The following DOCK1 variants were observed in gnomAD, a reference collection of about 807,000 sequenced individuals.
DOCK1 encodes the protein dedicator of cytokinesis 1, also known as dedicator of cytokinesis protein 1.
In DOCK1, 138 loss-of-function variants were observed where a neutral mutation model predicts 262.7. That is an observed-to-expected ratio of 0.53 (90% CI 0.46 to 0.61). The LOEUF is 0.61. Among genes scored for constraint, DOCK1 ranks in the 20% least tolerant of loss-of-function variants. The pLI is 0.00. For synonymous variants in DOCK1, 866 were observed against 867.4 expected, an observed-to-expected ratio of 1.00 and a Z score of 0.03; for missense variants, 1,908 against 2,370.7, an observed-to-expected ratio of 0.80 and a Z score of 4.05.
intron 1 of DOCK1, among the ~76,000 whole-genome samples, chr10:126,921,536 G>T (rs61875480): frequency 0.068 from 10,402 of 152,264 alleles, 457 homozygotes; most frequent in Middle Eastern, 0.11. Context: ...CAGATTAGTG[G>T]TTGCCCGGGA....
chr10:127,375,568 G>T (rs1439315959), intron 35 of DOCK1, among the ~76,000 whole-genome samples: 1 of 152,212 alleles, frequency 6.6e-6, no homozygotes, highest in Non-Finnish European at 1.5e-5. Flanking sequence ...AGCCAGAGTT[G>T]TGTGGATTAA....
intron 27 of DOCK1, among the ~76,000 whole-genome samples, chr10:127,192,259 T>C (rs1280799300): frequency 6.6e-6 from 1 of 152,204 alleles, no homozygotes; most frequent in Non-Finnish European, 1.5e-5. Context: ...AAAATAAATA[T>C]TCACAAATAA....
At chr10:126,980,791 T>C (rs2134828200) in intron 3 of DOCK1, among the ~76,000 whole-genome samples, 3 of 152,210 alleles carry the variant, frequency 2.0e-5, no homozygotes, top group Middle Eastern at 3.4e-3. Context: ...GGTGCCACTT[T>C]ATCAATTTCT....
chr10:127,277,747 A>G (rs1342880725), intron 29 of DOCK1, among the ~76,000 whole-genome samples: 1 of 152,176 alleles, frequency 6.6e-6, no homozygotes, highest in Non-Finnish European at 1.5e-5. Flanking sequence ...TGGGTGACAG[A>G]GCGAGACTCC....
intron 47 of DOCK1, among the ~76,000 whole-genome samples, chr10:127,428,380 G>C (rs1373477610): frequency 6.6e-6 from 1 of 152,236 alleles, no homozygotes; most frequent in Non-Finnish European, 1.5e-5. Context: ...GGAAGGTAGG[G>C]TGCTGTGGAT....
intron 23 of DOCK1, 50 bp downstream of exon 23, chr10:127,061,826 A>G: frequency 1.4e-6 from 2 of 1,443,958 alleles, no homozygotes; most frequent in Admixed American, 2.2e-5. Flanking sequence ...TTTTTCTTTC[A>G]TTATCTCTTT....
At chr10:126,973,024 C>T (rs1292746364) in intron 2 of DOCK1, among the ~76,000 whole-genome samples, 2 of 151,852 alleles carry the variant, frequency 1.3e-5, no homozygotes, top group Admixed American at 6.6e-5. Flanking sequence ...GATCAAACCG[C>T]TCATCTCAGA....
chr10:127,366,901 A>G (rs940797149), intron 33 of DOCK1, among the ~76,000 whole-genome samples: 7 of 152,208 alleles, frequency 4.6e-5, no homozygotes, highest in South Asian at 4.2e-4. Context: ...GGGGGAAGAT[A>G]TTAGGGGGAT....
At chr10:126,936,815 C>T (rs1300616190) in intron 1 of DOCK1, among the ~76,000 whole-genome samples, 1 of 152,104 alleles carries the variant, frequency 6.6e-6, no homozygotes, top group African/African-American at 2.4e-5. Context: ...AATTTACTGT[C>T]TTAACCATTT....
At chr10:127,182,541 G>A (rs2055837725) in intron 27 of DOCK1, among the ~76,000 whole-genome samples, 1 of 152,078 alleles carries the variant, frequency 6.6e-6, no homozygotes, top group South Asian at 2.1e-4. Flanking sequence ...GTTAACCTTT[G>A]CTCATCCTGC....
chr10:127,061,108 A>G (rs988893865), intron 22 of DOCK1, among the ~76,000 whole-genome samples: 5 of 152,144 alleles, frequency 3.3e-5, no homozygotes, highest in African/African-American at 1.2e-4. Flanking sequence ...GCCACCTGTA[A>G]TCCCACCTAC....
At chr10:127,442,268 C>T (rs1420530616) in intron 49 of DOCK1, among the ~76,000 whole-genome samples, 1 of 152,146 alleles carries the variant, frequency 6.6e-6, no homozygotes, top group Non-Finnish European at 1.5e-5. Context: ...CTGACTCCTC[C>T]TGGGGCAGAC....
At chr10:127,190,223 G>A (rs2056618675) in intron 27 of DOCK1, among the ~76,000 whole-genome samples, 1 of 152,202 alleles carries the variant, frequency 6.6e-6, no homozygotes, top group African/African-American at 2.4e-5. Flanking sequence ...GTTGAGTTTG[G>A]TGGTAAAGAA....
intron 16 of DOCK1, among the ~76,000 whole-genome samples, chr10:127,027,221 G>A (rs369050758): frequency 6.6e-6 from 1 of 152,250 alleles, no homozygotes; most frequent in African/African-American, 2.4e-5. Flanking sequence ...GGGTCACACC[G>A]TGCAGTGGGC....
chr10:127,052,624 A>C, intron 21 of DOCK1, 57 bp from the exon 22 acceptor site: 2 of 1,611,980 alleles, frequency 1.2e-6, no homozygotes, highest in Non-Finnish European at 1.7e-6. Context: ...TTAGCAGTTA[A>C]GATTTGAGAT....
rs114082270 is a variant in DOCK1 at position 127,071,143 on chromosome 10, G to C, written c.2445+9367G>C. ...TTTATGGCTTGCTCTTAGAGGACCT[G>C]TGGGTCCAAATGCTCCCCATTTCAC... On this transcript the variant is annotated intron_variant, in intron 23 of 51. Transcript: ENST00000623213. 1.7e-3 allele frequency among the ~76,000 whole-genome samples: 260 copies of C among 152,318 alleles called. 2 individuals carry two copies. The highest frequency in any genetic ancestry group is 5.8e-3 in the African/African-American group (242 of 41,578).
intron 1 of DOCK1, among the ~76,000 whole-genome samples, chr10:126,956,936 G>T (rs2036787617): frequency 6.6e-6 from 1 of 152,130 alleles, no homozygotes; most frequent in African/African-American, 2.4e-5. Flanking sequence ...CCTAGAGGAG[G>T]CTCAGGCCAG....
chr10:127,088,187 T>G (rs983263458), intron 23 of DOCK1, among the ~76,000 whole-genome samples: 1 of 152,214 alleles, frequency 6.6e-6, no homozygotes, highest in South Asian at 2.1e-4. Context: ...TGTGAAATCA[T>G]CAAACACCAA....
intron 29 of DOCK1, among the ~76,000 whole-genome samples, chr10:127,317,572 G>T (rs1425408471): frequency 6.6e-6 from 1 of 152,176 alleles, no homozygotes; most frequent in Non-Finnish European, 1.5e-5. Context: ...GGAGTCAGGA[G>T]CTCTGGATTC....
Sources: gnomAD v4.1 joint callset for allele counts (sites outside exome capture counted in the v4.1 genomes callset) on GRCh38, gnomAD v4.1.1 for gene constraint, MANE v1.5 for transcripts, NCBI Gene and HGNC (gene_info 2026-07-23, HGNC 2026-07-21) for gene names.